OSBPL10: variants seen among roughly 807,000 people sequenced by gnomAD.
OSBPL10 encodes oxysterol binding protein like 10, also known as oxysterol-binding protein-related protein 10.
A neutral mutation model predicts 81.7 loss-of-function variants in OSBPL10; 49 were observed. That is an observed-to-expected ratio of 0.60 (90% CI 0.48 to 0.76). The LOEUF (loss-of-function observed/expected upper bound fraction) is 0.76, where lower values mean the gene tolerates loss of function less well. Among genes scored for constraint, OSBPL10 ranks in the 30% least tolerant of loss-of-function variants. The pLI, the probability that OSBPL10 is intolerant of heterozygous loss-of-function variation, is 0.00. For synonymous variants in OSBPL10, 419 were observed against 383.6 expected, an observed-to-expected ratio of 1.09 and a Z score of -1.08; for missense variants, 923 against 987.8, an observed-to-expected ratio of 0.93 and a Z score of 0.88.
intron 4 of OSBPL10, among the ~76,000 whole-genome samples, chr3:31,807,315 G>A (rs1003129870): frequency 2.3e-4 from 35 of 152,208 alleles, no homozygotes; most frequent in Admixed American, 9.8e-4. Flanking sequence ...GTAGGCTGCA[G>A]TGAGCAGAGA....
intron 4 of OSBPL10, among the ~76,000 whole-genome samples, chr3:31,811,634 A>G (rs1375522918): frequency 6.6e-6 from 1 of 152,242 alleles, no homozygotes; most frequent in African/African-American, 2.4e-5. Context: ...CACAGTTCAT[A>G]ACAGGATATA....
intron 3 of OSBPL10, among the ~76,000 whole-genome samples, chr3:31,852,479 C>T (rs115009658): frequency 5.1e-4 from 78 of 152,286 alleles, no homozygotes; most frequent in African/African-American, 1.6e-3. Context: ...AACCTATGAA[C>T]GACAGTGCAC....
At chr3:31,722,461 C>T (rs1469871178) in intron 6 of OSBPL10, among the ~76,000 whole-genome samples, 1 of 152,050 alleles carries the variant, frequency 6.6e-6, no homozygotes, top group Non-Finnish European at 1.5e-5. Flanking sequence ...ATGGGAATTT[C>T]TGTATAATAT....
intron 7 of OSBPL10, among the ~76,000 whole-genome samples, chr3:31,697,060 C>T (rs1157367847): frequency 6.6e-6 from 1 of 152,178 alleles, no homozygotes; most frequent in Non-Finnish European, 1.5e-5. Context: ...CATAATCCTC[C>T]TTCAATCTGG....
intron 2 of OSBPL10, among the ~76,000 whole-genome samples, chr3:31,996,732 A>C (rs985789736): frequency 2.0e-5 from 3 of 152,230 alleles, no homozygotes; most frequent in African/African-American, 7.2e-5. Flanking sequence ...TAGAAGAAAG[A>C]AAGCAAAAGC....
At chr3:32,059,712 G>T (rs781186764) in intron 1 of OSBPL10, among the ~76,000 whole-genome samples, 3 of 151,970 alleles carry the variant, frequency 2.0e-5, no homozygotes, top group Non-Finnish European at 4.4e-5. Flanking sequence ...GAGCCCAGGA[G>T]TTCGAGACCA....
intron 2 of OSBPL10, among the ~76,000 whole-genome samples, chr3:32,043,910 G>A (rs1699598718): frequency 6.6e-6 from 1 of 151,904 alleles, no homozygotes; most frequent in South Asian, 2.1e-4. Flanking sequence ...GGGACTATTA[G>A]AGGGGGAATG....
At chr3:31,702,560 A>T (rs1471456735) in intron 6 of OSBPL10, 52 bp from the exon 7 acceptor site, 5 of 1,606,674 alleles carry the variant, frequency 3.1e-6, no homozygotes, top group Non-Finnish European at 4.3e-6. Context: ...AGAAGTTAGA[A>T]ATAAAGTGTA....
intron 2 of OSBPL10, among the ~76,000 whole-genome samples, chr3:31,988,098 C>T (rs1160250200): frequency 6.6e-6 from 1 of 152,164 alleles, no homozygotes; most frequent in Non-Finnish European, 1.5e-5. Flanking sequence ...TTCAAAATTG[C>T]CTTGGACCAC....
intron 1 of OSBPL10, among the ~76,000 whole-genome samples, chr3:32,054,030 A>G (rs767931337): frequency 3.2e-4 from 49 of 152,212 alleles, no homozygotes; most frequent in Non-Finnish European, 5.9e-4. Flanking sequence ...AATAAGCTAC[A>G]GGAAAAAGAA....
intron 1 of OSBPL10, among the ~76,000 whole-genome samples, chr3:31,891,613 T>C (rs1434131700): frequency 6.6e-6 from 1 of 152,238 alleles, no homozygotes; most frequent in African/African-American, 2.4e-5. Flanking sequence ...GATGCTCATA[T>C]TGCATTGTAT....
At chr3:31,712,362 G>A (rs1474284222) in intron 6 of OSBPL10, among the ~76,000 whole-genome samples, 5 of 152,108 alleles carry the variant, frequency 3.3e-5, no homozygotes, top group Admixed American at 6.5e-5. Flanking sequence ...CTGTGTATAC[G>A]GCACTTTAAG....
chr3:31,676,484 G>C (rs1001418878), intron 8 of OSBPL10, among the ~76,000 whole-genome samples: 1 of 151,018 alleles, frequency 6.6e-6, no homozygotes, highest in African/African-American at 2.4e-5. Context: ...AAATTGATTC[G>C]CCAATAAAGG....
At chr3:31,885,672 C>A (rs1364644953) in intron 1 of OSBPL10, among the ~76,000 whole-genome samples, 3 of 151,916 alleles carry the variant, frequency 2.0e-5, no homozygotes, top group Non-Finnish European at 4.4e-5. Flanking sequence ...TTAGCCAAAC[C>A]CCAGGCAAGA....
intron 1 of OSBPL10, among the ~76,000 whole-genome samples, chr3:31,925,057 G>A (rs1559520212): frequency 3.3e-5 from 5 of 152,126 alleles, no homozygotes; most frequent in Admixed American, 2.0e-4. Flanking sequence ...ACACAGTTGT[G>A]AACAGCACCT....
At chr3:31,992,456 G>A (rs1699044512) in intron 2 of OSBPL10, among the ~76,000 whole-genome samples, 1 of 152,166 alleles carries the variant, frequency 6.6e-6, no homozygotes, top group South Asian at 2.1e-4. Context: ...TGTTGATTCT[G>A]GAGGCTCTAG....
At chr3:31,730,640 G>A (rs1696947038) in intron 6 of OSBPL10, among the ~76,000 whole-genome samples, 1 of 152,144 alleles carries the variant, frequency 6.6e-6, no homozygotes, top group South Asian at 2.1e-4. Context: ...TTTTATAACA[G>A]AGCCGACCAC....
rs1423144479 is a variant in OSBPL10, at chr3:32,026,061, A to AGATAGATAGATGATT, written n.298+20429_298+20430insAATCATCTATCTATC. On this transcript the variant is annotated intron_variant and non_coding_transcript_variant, in intron 2 of 3. Transcript: ENST00000479173. Reference sequence around the variant, plus strand: ...ATAGATAGATAGATAGATAGATGATAGATAGATAGATAGATAGATAGATAG... The same window carrying AGATAGATAGATGATT: ...ATAGATAGATAGATAGATAGATGATAGATAGATAGATGATTGATAGATAGATAGATAGATAGATAG... Among the ~76,000 whole-genome samples, 309 of 90,790 alleles carry AGATAGATAGATGATT rather than the reference A, an allele frequency of 3.4e-3. 1 individual carries two copies. The highest frequency in any genetic ancestry group is 0.019 in the Middle Eastern group (3 of 160). The allele number at this position is 90,790 out of a possible 152,430, so 59.6% of individuals were successfully genotyped here. A position where few individuals can be genotyped will look rare whatever the true frequency, so the allele number is the denominator to read the frequency against.
chr3:31,777,347 G>A (rs1281590986), intron 4 of OSBPL10, among the ~76,000 whole-genome samples: 1 of 152,020 alleles, frequency 6.6e-6, no homozygotes, highest in Non-Finnish European at 1.5e-5. Flanking sequence ...AGATAAGAGA[G>A]CCACTCTTTT....
Sources: gnomAD v4.1 joint callset for allele counts (sites outside exome capture counted in the v4.1 genomes callset) on GRCh38, gnomAD v4.1.1 for gene constraint, MANE v1.5 for transcripts, NCBI Gene and HGNC (gene_info 2026-07-23, HGNC 2026-07-21) for gene names.